ABCA13: variants seen among roughly 807,000 people sequenced by gnomAD.
The protein encoded by ABCA13 is ATP binding cassette subfamily A member 13.
In ABCA13, 476 loss-of-function variants were observed where a neutral mutation model predicts 478.7. The observed-to-expected ratio is 0.99, with a 90% confidence interval of 0.92 to 1.07. ABCA13 has a LOEUF of 1.07. ABCA13 is among the 50% of genes least tolerant of loss of function. ABCA13 has a pLI of 0.00. For missense variants in ABCA13, 6,060 were observed against 5,910.6 expected (o/e 1.03, Z -0.83); for synonymous variants, 2,252 against 2,158.9 (o/e 1.04, Z -1.20).
At chr7:48,192,888 T>C (rs1448924000) in intron 1 of ABCA13, 71 bp from the exon 2 acceptor site, 2 of 1,237,266 alleles carry the variant, frequency 1.6e-6, no homozygotes, top group Non-Finnish European at 2.2e-6. Context: ...AATGACCTCC[T>C]TCAAGAGATG....
intron 48 of ABCA13, among the ~76,000 whole-genome samples, chr7:48,491,748 G>A (rs1023009798): frequency 2.6e-5 from 4 of 152,134 alleles, no homozygotes; most frequent in African/African-American, 9.7e-5. Flanking sequence ...CCACGAGCAG[G>A]GTTCTGATGA....
intron 37 of ABCA13, among the ~76,000 whole-genome samples, chr7:48,390,172 C>T (rs1815821609): frequency 6.6e-6 from 1 of 152,148 alleles, no homozygotes; most frequent in Admixed American, 6.5e-5. Flanking sequence ...ACATTTCTTA[C>T]AAGGAAAACC....
intron 27 of ABCA13, among the ~76,000 whole-genome samples, chr7:48,321,050 G>T (rs1803374179): frequency 6.6e-6 from 1 of 152,224 alleles, no homozygotes; most frequent in Non-Finnish European, 1.5e-5. Flanking sequence ...GAAGACAGAT[G>T]TCACCTCAGA....
intron 42 of ABCA13, among the ~76,000 whole-genome samples, chr7:48,434,154 C>T (rs1405177247): frequency 6.6e-6 from 1 of 152,010 alleles, no homozygotes; most frequent in African/African-American, 2.4e-5. Context: ...GCTCCAGTTC[C>T]TCCATATCTT....
intron 55 of ABCA13, among the ~76,000 whole-genome samples, chr7:48,571,572 A>C (rs553877419): frequency 6.6e-6 from 1 of 151,834 alleles, no homozygotes; most frequent in East Asian, 1.9e-4. Flanking sequence ...GAAAGCAGCT[A>C]TTAACCTTCC....
At chr7:48,471,673 A>G (rs1187063187) in intron 45 of ABCA13, 74 bp downstream of exon 45, 6 of 1,345,516 alleles carry the variant, frequency 4.5e-6, no homozygotes, top group Non-Finnish European at 6.1e-6. Context: ...CCCTATCTAT[A>G]AAATTTTCAT....
chr7:48,513,222 G>A (rs1831845497), intron 51 of ABCA13, among the ~76,000 whole-genome samples: 1 of 152,184 alleles, frequency 6.6e-6, no homozygotes, highest in African/African-American at 2.4e-5. Context: ...GCTGAATCCC[G>A]AGCTGAAACC....
intron 59 of ABCA13, among the ~76,000 whole-genome samples, chr7:48,617,821 G>A (rs550298454): frequency 6.6e-6 from 1 of 152,226 alleles, no homozygotes; most frequent in African/African-American, 2.4e-5. Context: ...CTCGGACAAA[G>A]CAGCCATTTT....
intron 59 of ABCA13, among the ~76,000 whole-genome samples, chr7:48,621,807 G>A (rs1383523810): frequency 3.3e-5 from 5 of 152,132 alleles, no homozygotes. Context: ...AGCCAACAAT[G>A]GATTTCTATT....
intron 26 of ABCA13, 121 bp from the exon 27 acceptor site, chr7:48,317,036 T>C: frequency 8.3e-7 from 1 of 1,203,214 alleles, no homozygotes; most frequent in Non-Finnish European, 1.1e-6. Context: ...TTCAGAGTGG[T>C]GTCAGAAAAA....
chr7:48,406,546 ACAGT>A (rs1358761194), intron 39 of ABCA13, among the ~76,000 whole-genome samples: 1 of 152,202 alleles, frequency 6.6e-6, no homozygotes, highest in Admixed American at 6.5e-5. Context: ...AGAGAGAGAA[ACAGT>A]CAAACAGTGT....
intron 1 of ABCA13, among the ~76,000 whole-genome samples, chr7:48,184,917 C>T (rs1376541832): frequency 2.0e-5 from 3 of 152,160 alleles, no homozygotes; most frequent in Admixed American, 1.3e-4. Context: ...CTCACTGTAG[C>T]CTCAACCCCT....
chr7:48,357,959 T>A (rs1343961094), intron 31 of ABCA13, among the ~76,000 whole-genome samples: 1 of 151,286 alleles, frequency 6.6e-6, no homozygotes, highest in Non-Finnish European at 1.5e-5. Flanking sequence ...CTGGCCAACA[T>A]GGTGAAACCC....
intron 20 of ABCA13, among the ~76,000 whole-genome samples, 183 bp from the exon 21 acceptor site, chr7:48,295,517 G>A (rs904138408): frequency 5.3e-5 from 8 of 152,160 alleles, no homozygotes; most frequent in Admixed American, 1.3e-4. Flanking sequence ...GGCTAACAGC[G>A]GAGCCAGGAG....
intron 27 of ABCA13, among the ~76,000 whole-genome samples, chr7:48,329,884 TC>T (rs143107346): frequency 0.22 from 33,220 of 151,954 alleles, 4,169 homozygotes; most frequent in Middle Eastern, 0.35. Flanking sequence ...CATTCATCTA[TC>T]CATCCATCCA....
chr7:48,187,312 T>C (rs1277328079), intron 1 of ABCA13, among the ~76,000 whole-genome samples: 2 of 150,512 alleles, frequency 1.3e-5, no homozygotes, highest in East Asian at 3.9e-4. Context: ...GTAGTAATAG[T>C]TTATTTTTGA....
intron 43 of ABCA13, among the ~76,000 whole-genome samples, chr7:48,462,089 G>A (rs1316264263): frequency 6.6e-6 from 1 of 152,148 alleles, no homozygotes; most frequent in Non-Finnish European, 1.5e-5. Context: ...GAGATAACAG[G>A]TGTTTTCCAG....
At chr7:48,633,714 T>TAAA (rs202096204) in intron 59 of ABCA13, among the ~76,000 whole-genome samples, 7 of 134,256 alleles carry the variant, frequency 5.2e-5, no homozygotes, top group Non-Finnish European at 9.6e-5. Context: ...CTTTCTCTAC[T>TAAA]AAAAAAAAAA....
At chr7:48,494,826 A>T (rs1041084851) in intron 48 of ABCA13, among the ~76,000 whole-genome samples, 1 of 152,222 alleles carries the variant, frequency 6.6e-6, no homozygotes, top group Admixed American at 6.5e-5. Context: ...TTTTCATTGG[A>T]TGCAGTGAAT....
Sources: gnomAD v4.1 joint callset for allele counts (sites outside exome capture counted in the v4.1 genomes callset) on GRCh38, gnomAD v4.1.1 for gene constraint, MANE v1.5 for transcripts, NCBI Gene and HGNC (gene_info 2026-07-23, HGNC 2026-07-21) for gene names.